KCTD8: variants seen among roughly 807,000 people sequenced by gnomAD.
The protein encoded by KCTD8 is potassium channel tetramerization domain containing 8, also known as BTB/POZ domain-containing protein KCTD8.
Under a neutral mutation model 31.5 loss-of-function variants are expected in KCTD8, and 27 were observed. The ratio of observed to expected loss-of-function variants is 0.86; its 90% confidence interval spans 0.63 to 1.18. KCTD8 has a LOEUF of 1.18. Ranked by LOEUF, KCTD8 falls within the 50% of genes most tolerant of loss-of-function variation. The pLI, the probability that KCTD8 is intolerant of heterozygous loss-of-function variation, is 0.00. For missense variants in KCTD8, 658 were observed against 647.7 expected (o/e 1.02, Z -0.17); for synonymous variants, 290 against 280.0 (o/e 1.04, Z -0.36).
At chr4:44,408,364 T>A (rs189150905) in intron 1 of KCTD8, among the ~76,000 whole-genome samples, 1 of 152,326 alleles carries the variant, frequency 6.6e-6, no homozygotes, top group East Asian at 1.9e-4. Flanking sequence ...CAAAAAATTA[T>A]GTAGCATACT....
chr4:44,443,475 G>A (rs1721862522), intron 1 of KCTD8, among the ~76,000 whole-genome samples: 1 of 152,092 alleles, frequency 6.6e-6, no homozygotes, highest in South Asian at 2.1e-4. Context: ...ACTCAACACA[G>A]TGAAATAAAT....
chr4:44,394,866 C>T (rs1267583595), intron 1 of KCTD8, among the ~76,000 whole-genome samples: 1 of 152,058 alleles, frequency 6.6e-6, no homozygotes, highest in East Asian at 1.9e-4. Flanking sequence ...ATCACAAAAA[C>T]ATTCAGGTTC....
At chr4:44,357,592 T>C (rs528977299) in intron 1 of KCTD8, among the ~76,000 whole-genome samples, 12 of 152,252 alleles carry the variant, frequency 7.9e-5, no homozygotes, top group East Asian at 1.9e-4. Context: ...AAAGGGAACA[T>C]AGAATATTAA....
intron 1 of KCTD8, among the ~76,000 whole-genome samples, chr4:44,442,207 T>C (rs1577673919): frequency 6.6e-6 from 1 of 152,120 alleles, no homozygotes; most frequent in South Asian, 2.1e-4. Context: ...TAAAACTAAA[T>C]GTACTACTTT....
In KCTD8 at chr4:44,408,142, G is replaced by T. The variant is rs149248578; in HGVS notation, c.961+39421C>A. On this transcript the variant is annotated intron_variant, in intron 1 of 1. Transcript: ENST00000360029. ...ACTGTGAAAGACAAGTTAAATCCTT[G>T]AACCTTGGCTTCATTACCTGCAATA... 3.0e-4 allele frequency among the ~76,000 whole-genome samples: 46 copies of T among 152,252 alleles called. 1 individual carries two copies. The East Asian group carries it at 8.7e-3, about 29-fold the overall frequency.
chr4:44,260,540 T>C (rs1261487007), intron 1 of KCTD8, among the ~76,000 whole-genome samples: 1 of 151,964 alleles, frequency 6.6e-6, no homozygotes, highest in Non-Finnish European at 1.5e-5. Flanking sequence ...GGTCACAGAA[T>C]GTTCTTTGAG....
intron 1 of KCTD8, among the ~76,000 whole-genome samples, chr4:44,268,140 C>G (rs1237289106): frequency 2.0e-5 from 3 of 152,114 alleles, no homozygotes; most frequent in Non-Finnish European, 4.4e-5. Context: ...TGCAAAAATC[C>G]TCAATAAAAT....
At chr4:44,239,435 A>G (rs927168514) in intron 1 of KCTD8, among the ~76,000 whole-genome samples, 4 of 152,332 alleles carry the variant, frequency 2.6e-5, no homozygotes, top group Non-Finnish European at 5.9e-5. Flanking sequence ...AATAGCATAG[A>G]TCTCATAGTG....
chr4:44,303,148 G>T (rs540599998), intron 1 of KCTD8, among the ~76,000 whole-genome samples: 21 of 151,914 alleles, frequency 1.4e-4, no homozygotes, highest in Non-Finnish European at 2.6e-4. Flanking sequence ...TTTTTGCATC[G>T]ATGTTCATCA....
rs182308393 is a variant in KCTD8 at position 44,444,160 on chromosome 4, G to C, written c.961+3403C>G. The stretch of plus-strand genomic sequence containing the variant: ...ATATAACCTTGAGCATAAAAACCCA[G>C]TGACTTGGATACAAGCACTTAAGGA... On this transcript the variant is annotated intron_variant, in intron 1 of 1. Transcript: ENST00000360029. Among the ~76,000 whole-genome samples, 362 of 152,216 alleles carry C rather than the reference G, an allele frequency of 2.4e-3. 1 individual carries two copies. Among genetic ancestry groups the C allele is most frequent in the African/African-American group, 8.4e-3 (348 of 41,542 alleles).
chr4:44,389,100 G>A (rs1199189664), intron 1 of KCTD8, among the ~76,000 whole-genome samples: 1 of 151,756 alleles, frequency 6.6e-6, no homozygotes, highest in African/African-American at 2.4e-5. Context: ...GTGATAGAGA[G>A]CAGCATGATG....
chr4:44,305,326 G>C (rs891486694), intron 1 of KCTD8, among the ~76,000 whole-genome samples: 1 of 151,298 alleles, frequency 6.6e-6, no homozygotes, highest in Admixed American at 6.6e-5. Context: ...ATTAAAGTTG[G>C]GTTGCTTCCT....
chr4:44,265,256 C>A (rs1577582264), intron 1 of KCTD8, among the ~76,000 whole-genome samples: 1 of 152,140 alleles, frequency 6.6e-6, no homozygotes, highest in East Asian at 1.9e-4. Context: ...GTTCTGCAGA[C>A]ACCGCTGCTG....
chr4:44,394,238 A>C (rs570480583), intron 1 of KCTD8, among the ~76,000 whole-genome samples: 1 of 152,144 alleles, frequency 6.6e-6, no homozygotes, highest in South Asian at 2.1e-4. Context: ...CGCCTCAGTT[A>C]AGGGGAGTTG....
intron 1 of KCTD8, among the ~76,000 whole-genome samples, chr4:44,411,698 T>G (rs569829095): frequency 3.9e-5 from 6 of 152,010 alleles, no homozygotes; most frequent in African/African-American, 1.2e-4. Flanking sequence ...GGTGGACCCT[T>G]ATTCCAATAT....
chr4:44,373,620 T>C (rs907611296), intron 1 of KCTD8, among the ~76,000 whole-genome samples: 3 of 152,162 alleles, frequency 2.0e-5, no homozygotes, highest in African/African-American at 7.2e-5. Context: ...TTAGTTGTTT[T>C]TAATTATTTT....
intron 1 of KCTD8, among the ~76,000 whole-genome samples, chr4:44,307,795 A>G (rs1717844829): frequency 6.6e-6 from 1 of 151,994 alleles, no homozygotes; most frequent in Non-Finnish European, 1.5e-5. Context: ...TGCTGTACAC[A>G]TAACTCTTTT....
At chr4:44,371,919 G>A (rs1719796544) in intron 1 of KCTD8, among the ~76,000 whole-genome samples, 2 of 152,166 alleles carry the variant, frequency 1.3e-5, no homozygotes, top group Admixed American at 6.5e-5. Flanking sequence ...TTTCCATCCT[G>A]ATTCCCTCAA....
At chr4:44,176,172 A>T (rs1181330795) in intron 1 of KCTD8, among the ~76,000 whole-genome samples, 1 of 152,186 alleles carries the variant, frequency 6.6e-6, no homozygotes, top group African/African-American at 2.4e-5. Flanking sequence ...CTCAACTCTT[A>T]TTTTATTTTC....
Sources: allele counts gnomAD v4.1 joint callset (sites outside exome capture counted in the v4.1 genomes callset), GRCh38; gene constraint gnomAD v4.1.1; transcripts MANE v1.5; gene names NCBI Gene and HGNC (gene_info 2026-07-23, HGNC 2026-07-21).